Variants in ARMC3 observed in about 807,000 individuals in gnomAD.
The protein encoded by ARMC3 is armadillo repeat containing 3.
A neutral mutation model predicts 90.3 loss-of-function variants in ARMC3; 74 were observed. The ratio of observed to expected loss-of-function variants is 0.82; its 90% confidence interval spans 0.68 to 0.99. The LOEUF (loss-of-function observed/expected upper bound fraction) is 0.99, where lower values mean the gene tolerates loss of function less well. ARMC3 is among the 50% of genes least tolerant of loss of function. The pLI is 0.00. For missense variants in ARMC3, 958 were observed against 1,042.8 expected, an observed-to-expected ratio of 0.92 and a Z score of 1.12; for synonymous variants, 334 against 361.8, an observed-to-expected ratio of 0.92 and a Z score of 0.87.
intron 8 of ARMC3, among the ~76,000 whole-genome samples, chr10:22,972,383 C>T (rs768628115): frequency 5.9e-5 from 9 of 152,014 alleles, no homozygotes; most frequent in African/African-American, 9.7e-5. Context: ...GGTCCCAGTT[C>T]GTTCTTTTTC....
chr10:23,014,603 C>T (rs1279290008), intron 16 of ARMC3: 10 of 618,302 alleles, frequency 1.6e-5, no homozygotes, highest in African/African-American at 2.0e-5. Context: ...ATATACACCA[C>T]GGAATATTAT....
chr10:23,011,597 AG>A (rs895381398), intron 16 of ARMC3, among the ~76,000 whole-genome samples: 1 of 152,202 alleles, frequency 6.6e-6, no homozygotes, highest in Non-Finnish European at 1.5e-5. Context: ...TGACAACTGC[AG>A]GGCCTGCCCA....
chr10:22,959,124 A>C lies in ARMC3; in HGVS notation c.347A>C (p.Gln116Pro). 6.2e-7 allele frequency: 1 copy of C among 1,613,346 alleles called. No homozygotes were observed. Among genetic ancestry groups the C allele is most frequent in the African/African-American group, 1.3e-5 (1 of 75,022 alleles). Reference protein sequence around the residue: ...ELDVMNSVIAQLAPEEEVVIH... With the variant: ...ELDVMNSVIAPLAPEEEVVIH... ...GATGTCATGAATTCTGTCATTGCCCAGCTCGCTCCAGAAGGTAACTTTGCA... is the reference window on the plus strand; with the variant it reads ...GATGTCATGAATTCTGTCATTGCCCCGCTCGCTCCAGAAGGTAACTTTGCA... Residue 116 changes from glutamine to proline, a missense_variant, in exon 5 of 19, where the codon CAG becomes CCG. Gln to Pro is a moderately conservative substitution (Grantham distance 76). Transcript: ENST00000298032.
At chr10:23,016,974 A>G (rs1406882829) in intron 16 of ARMC3, among the ~76,000 whole-genome samples, 1 of 152,240 alleles carries the variant, frequency 6.6e-6, no homozygotes, top group Non-Finnish European at 1.5e-5. Flanking sequence ...TTTAGAAAAC[A>G]GGTGAACCTA....
intron 2 of ARMC3, among the ~76,000 whole-genome samples, chr10:22,938,211 A>G (rs1156271130): frequency 6.6e-6 from 1 of 152,212 alleles, no homozygotes; most frequent in Non-Finnish European, 1.5e-5. Context: ...GACCCCAGCC[A>G]GACCACAGTA....
chr10:23,034,339 T>A (rs1839041253), intron 18 of ARMC3, among the ~76,000 whole-genome samples: 1 of 152,284 alleles, frequency 6.6e-6, no homozygotes, highest in South Asian at 2.1e-4. Context: ...CTACCTTAAA[T>A]CCTATTACCA....
In ARMC3 at chr10:22,968,308, A is replaced by C; in HGVS notation, c.735A>C (p.Glu245Asp). 1.2e-6 allele frequency: 2 copies of C among 1,613,102 alleles called. No homozygotes were observed. Among genetic ancestry groups the C allele is most frequent in the East Asian group, 2.2e-5 (1 of 44,846 alleles). Residue 245 changes from glutamate (E) to aspartate (D), a missense_variant and splice_region_variant, in exon 8 of 19, where the codon GAA becomes GAC. Physicochemically the swap from Glu to Asp is conservative, Grantham distance 45. Coordinates refer to ENST00000298032, the MANE Select transcript of ARMC3 (RefSeq NM_173081.5). The part of the protein sequence containing the change: ...DHLIKILETK[E>D]LNDLHIEALA... ...GTTGTATTTGCTTTTATTATTAGGA[A>C]TTGAATGACCTTCATATAGAAGCAC...
At chr10:22,965,716 A>AT (rs1835413256) in intron 7 of ARMC3, among the ~76,000 whole-genome samples, 1 of 151,972 alleles carries the variant, frequency 6.6e-6, no homozygotes, top group Admixed American at 6.6e-5. Flanking sequence ...TTTTTCTTCA[A>AT]TTTTTTAGAT....
At chr10:22,975,040 C>G (rs577617231) in intron 8 of ARMC3, among the ~76,000 whole-genome samples, 110 of 152,184 alleles carry the variant, frequency 7.2e-4, no homozygotes, top group Non-Finnish European at 1.4e-3. Flanking sequence ...TGTGTGCTGT[C>G]AATTTCTCAT....
chr10:22,991,844 A>G, intron 10 of ARMC3, among the ~76,000 whole-genome samples: 1 of 152,144 alleles, frequency 6.6e-6, no homozygotes, highest in East Asian at 1.9e-4. Flanking sequence ...CTTATTATTT[A>G]GTTAAGAAAA....
chr10:22,967,463 C>G (rs1210556844), intron 7 of ARMC3, among the ~76,000 whole-genome samples: 1 of 152,084 alleles, frequency 6.6e-6, no homozygotes, highest in Non-Finnish European at 1.5e-5. Flanking sequence ...CCAAATATTT[C>G]CCAATGCTTA....
chr10:23,005,211 C>CAAAAAAA (rs35706584), intron 13 of ARMC3, among the ~76,000 whole-genome samples: 1 of 60,950 alleles, frequency 1.6e-5, no homozygotes, highest in African/African-American at 5.2e-5. Context: ...AGACTCGTCT[C>CAAAAAAA]AAAAAAAAAA....
intron 13 of ARMC3, among the ~76,000 whole-genome samples, chr10:23,006,271 C>T (rs1470634216): frequency 6.6e-6 from 1 of 152,162 alleles, no homozygotes; most frequent in African/African-American, 2.4e-5. Flanking sequence ...GGTTAAAGGC[C>T]TTTACTCTGA....
intron 10 of ARMC3, among the ~76,000 whole-genome samples, chr10:22,996,995 ATAT>A (rs913691907): frequency 9.2e-5 from 14 of 151,902 alleles, no homozygotes; most frequent in Admixed American, 3.3e-4. Context: ...TTAGATGTTC[ATAT>A]TATTGACATC....
At chr10:23,027,521 GT>G (rs887140518) in intron 16 of ARMC3, among the ~76,000 whole-genome samples, 4 of 152,092 alleles carry the variant, frequency 2.6e-5, no homozygotes, top group African/African-American at 7.2e-5. Flanking sequence ...ATTTATAGTA[GT>G]TTTTTTGGAG....
chr10:22,959,151 T>C lies in ARMC3; in HGVS notation c.361+13T>C. On this transcript the variant is annotated intron_variant, in intron 5 of 18. Coordinates refer to ENST00000298032, the MANE Select transcript of ARMC3 (RefSeq NM_173081.5). ...CTCGCTCCAGAAGGTAACTTTGCAT[T>C]CTATATCTGTTTTAAAAAATGGAAC... 1 of 1,604,764 alleles carries C rather than the reference T, an allele frequency of 6.2e-7. No individual in the cohort carries two copies. Among genetic ancestry groups the C allele is most frequent in the Non-Finnish European group, 8.5e-7 (1 of 1,171,578 alleles).
chr10:23,031,044 C>A, intron 17 of ARMC3: 1 of 400,954 alleles, frequency 2.5e-6, no homozygotes, highest in South Asian at 4.2e-5. Flanking sequence ...TTCAGCTAGA[C>A]CATGAAAAGC....
At chr10:22,956,534 T>A (rs1458583008) in intron 4 of ARMC3, among the ~76,000 whole-genome samples, 1 of 151,666 alleles carries the variant, frequency 6.6e-6, no homozygotes, top group African/African-American at 2.4e-5. Context: ...ACTCGGGAGG[T>A]GGAGGTTGCA....
intron 16 of ARMC3, among the ~76,000 whole-genome samples, chr10:23,015,755 A>G (rs1330822813): frequency 6.6e-6 from 1 of 152,128 alleles, no homozygotes. Flanking sequence ...CATAACTTAA[A>G]CTGTTGTTGC....
Sources: gnomAD v4.1 joint callset for allele counts (sites outside exome capture counted in the v4.1 genomes callset) on GRCh38, gnomAD v4.1.1 for gene constraint, MANE v1.5 for transcripts, NCBI Gene and HGNC (gene_info 2026-07-23, HGNC 2026-07-21) for gene names.